Variants in KDM5B observed in about 807,000 individuals in gnomAD.
KDM5B encodes the protein lysine demethylase 5B, also known as lysine-specific demethylase 5B.
Under a neutral mutation model 193.4 loss-of-function variants are expected in KDM5B, and 144 were observed. The ratio of observed to expected loss-of-function variants is 0.74; its 90% CI spans 0.65 to 0.86. KDM5B has a LOEUF of 0.86. KDM5B is among the 40% of genes least tolerant of loss of function. KDM5B has a pLI of 0.00. For synonymous variants in KDM5B, 668 were observed against 682.6 expected (o/e 0.98, Z 0.33); for missense variants, 1,833 against 1,886.9 (o/e 0.97, Z 0.53).
Position 202,740,594 on chromosome 1 carries a change from C to G in KDM5B, c.3084+80G>C, listed in dbSNP as rs547014465. 52 of 1,368,720 alleles carry G rather than the reference C, an allele frequency of 3.8e-5. 1 individual carries two copies. In the East Asian group the frequency reaches 8.3e-4, roughly 22 times the overall value. 84.8% of individuals were successfully genotyped at this position (1,368,720 alleles called of 1,614,324 possible). On this transcript the variant is annotated intron_variant, in intron 20 of 26. Transcript: ENST00000367265. Reference sequence around the variant, plus strand: ...TGGCCGGGTCGGGGGCTGACCCCCCCACCTCCCTCCCGGACGGGGCGCCAA... The same window carrying G: ...TGGCCGGGTCGGGGGCTGACCCCCCGACCTCCCTCCCGGACGGGGCGCCAA...
chr1:202,733,808 G>A lies in KDM5B; in HGVS notation c.3502C>T (p.Leu1168=). 1 of 1,614,166 alleles carries A rather than the reference G, an allele frequency of 6.2e-7. No individual in the cohort carries two copies. The change falls in exon 23 of 27, where the codon CTG becomes TTG. Residue 1168 remains leucine (L), a synonymous_variant. Coordinates refer to ENST00000367265, the MANE Select transcript of KDM5B (RefSeq NM_006618.5). ...SLRLANEGKL[L]SPLQDVDIKI... ...ATATCCACATCTTGGAGAGGCGACAGCAATTTCCCTTCATTGGCGAGTCTG... is the reference window on the plus strand; with the variant it reads ...ATATCCACATCTTGGAGAGGCGACAACAATTTCCCTTCATTGGCGAGTCTG...
At chr1:202,742,561 C>T in intron 17 of KDM5B, 56 bp from the exon 18 acceptor site, 2 of 1,589,028 alleles carry the variant, frequency 1.3e-6, no homozygotes, top group Non-Finnish European at 1.7e-6. Flanking sequence ...GTCCACCACA[C>T]CCAGGTGGTC....
At position 202,726,069 on chromosome 1, in the gene KDM5B, A is replaced by G. The variant is rs190467340; in HGVS notation, c.*2967T>C. 1 of 151,670 alleles carries G rather than the reference A, an allele frequency of 6.6e-6. No individual in the cohort carries two copies. The highest frequency in any genetic ancestry group is 2.4e-5 in the African/African-American group (1 of 41,242). The allele number at this position is 151,670 out of a possible 1,614,324, so 9.4% of individuals were successfully genotyped here. ...AGCCATGTTTCACCCTCTTCCAGGT[A>G]GAGATCTACTCTATTCTTAGGCTAA... On this transcript the variant is annotated 3_prime_UTR_variant, in exon 27 of 27. Transcript: ENST00000367265.
Position 202,774,700 on chromosome 1 carries a change from C to G in KDM5B, c.318G>C (p.Gln106His). ...CCTGTAACTCCCAGTACTTTGCAAT[C>G]TGGTCCAAGAAATTCAATTTTACAC... ...QTRVKLNFLDQIAKYWELQGS... is the reference protein window; with the variant it reads ...QTRVKLNFLDHIAKYWELQGS... The change falls in exon 3 of 27, where the codon CAG becomes CAC. Residue 106 changes from glutamine to histidine, a missense_variant. Physicochemically the swap from Gln to His is conservative, Grantham distance 24. Around this residue, in one of 3 missense-constraint regions of KDM5B, gnomAD observed 355 missense variants for 374.9 expected, o/e 0.95. Transcript: ENST00000367265. 1.2e-6 allele frequency: 2 copies of G among 1,613,228 alleles called. No individual in the cohort carries two copies. The highest frequency in any genetic ancestry group is 1.7e-6 in the Non-Finnish European group (2 of 1,179,302).
chr1:202,783,849 C>T (rs1468257522), intron 1 of KDM5B, among the ~76,000 whole-genome samples: 1 of 152,038 alleles, frequency 6.6e-6, no homozygotes, highest in Non-Finnish European at 1.5e-5. Context: ...CCACTGCACT[C>T]CAGACTGGGG....
Position 202,725,425 on chromosome 1 carries a change from C to T in KDM5B, c.*3611G>A, listed in dbSNP as rs767813397. The T allele has an allele frequency of 6.6e-5, 10 of 152,166 alleles. No homozygotes were observed. Among genetic ancestry groups the T allele is most frequent in the Non-Finnish European group, 4.4e-5 (3 of 68,040 alleles). The allele number at this position is 152,166 out of a possible 1,614,324, so 9.4% of individuals were successfully genotyped here. A position where few individuals can be genotyped will look rare whatever the true frequency, so the allele number is the denominator to read the frequency against. ...AGTAACATTTCTATAATAAGTTACA[C>T]ATGAAGCCTCCCAAAAGAAAGCTGA... On this transcript the variant is annotated 3_prime_UTR_variant, in exon 27 of 27. Coordinates refer to ENST00000367265, the MANE Select transcript of KDM5B (RefSeq NM_006618.5).
At chr1:202,741,769 A>T (rs1558485534) in intron 18 of KDM5B, 47 bp from the exon 19 acceptor site, 3 of 1,089,940 alleles carry the variant, frequency 2.8e-6, no homozygotes, top group Non-Finnish European at 4.0e-6. Flanking sequence ...TAATTTCAGT[A>T]ATTGGCTTCT....
intron 1 of KDM5B, among the ~76,000 whole-genome samples, chr1:202,807,866 C>T (rs887028149): frequency 6.6e-6 from 1 of 151,974 alleles, no homozygotes; most frequent in Non-Finnish European, 1.5e-5. Context: ...GGCGACCCGG[C>T]CCTCCCATGG....
chr1:202,785,925 A>G (rs1657393437), intron 1 of KDM5B, among the ~76,000 whole-genome samples: 1 of 150,904 alleles, frequency 6.6e-6, no homozygotes, highest in African/African-American at 2.4e-5. Flanking sequence ...AAAAAAAAAA[A>G]AGTGCCGGTT....
rs1178512619 is a variant in KDM5B, at chr1:202,733,386, A to C, written c.3909+15T>G. ...TGCAAATTCCAATAACCCAACAAGG[A>C]AAGTCCAGATTCACCTTGTTTGTGT... On this transcript the variant is annotated intron_variant, in intron 23 of 26. Transcript: ENST00000367265. 7 of 1,605,698 alleles carry C rather than the reference A, an allele frequency of 4.4e-6. No individual in the cohort carries two copies. The highest frequency in any genetic ancestry group is 3.4e-5 in the Admixed American group (2 of 59,494).
intron 26 of KDM5B, 30 bp from the exon 27 acceptor site, chr1:202,729,203 T>C: frequency 6.2e-7 from 1 of 1,613,138 alleles, no homozygotes; most frequent in Non-Finnish European, 8.5e-7. Context: ...AGATGGGGTT[T>C]TCAGAGGAAA....
At chr1:202,803,561 C>G (rs191587483) in intron 1 of KDM5B, among the ~76,000 whole-genome samples, 1 of 151,292 alleles carries the variant, frequency 6.6e-6, no homozygotes, top group Middle Eastern at 3.2e-3. Context: ...CGGTGGCTCA[C>G]GTCTGTAATC....
At position 202,741,622 on chromosome 1, in the gene KDM5B, C is replaced by A; in HGVS notation, c.2690G>T (p.Ser897Ile). The A allele has an allele frequency of 6.2e-7, 1 of 1,614,210 alleles. No homozygotes were observed. The highest frequency in any genetic ancestry group is 2.2e-5 in the East Asian group (1 of 44,892). ...AAELQDLLDV[S>I]FEFDVELPQL... Reference sequence around the variant, plus strand: ...TGGAAGTTCAACATCAAATTCAAAGCTGACATCTAGCAAGTCCTGCAGCTC... The same window carrying A: ...TGGAAGTTCAACATCAAATTCAAAGATGACATCTAGCAAGTCCTGCAGCTC... The change falls in exon 19 of 27, where the codon AGC becomes ATC. Residue 897 changes from serine (S) to isoleucine (I), a missense_variant. Coordinates refer to ENST00000367265, the MANE Select transcript of KDM5B (RefSeq NM_006618.5).
intron 11 of KDM5B, 30 bp downstream of exon 11, chr1:202,755,241 T>C: frequency 6.3e-7 from 1 of 1,585,402 alleles, no homozygotes; most frequent in East Asian, 2.2e-5. Context: ...GCATGCATAC[T>C]ACTCATGGGT....
Position 202,729,696 on chromosome 1 carries a change from A to AC in KDM5B, c.4497+10dup. On this transcript the variant is annotated intron_variant, in intron 26 of 26. Coordinates refer to ENST00000367265, the MANE Select transcript of KDM5B (RefSeq NM_006618.5). ...GGAAAGCACGTCCTCTATGGCCCAA[A>AC]CCTCACTGACCTCATCTCCTTCTGG... The AC allele has an allele frequency of 6.2e-7, 1 of 1,608,376 alleles. No homozygotes were observed. Among genetic ancestry groups the AC allele is most frequent in the Non-Finnish European group, 8.5e-7 (1 of 1,176,822 alleles).
At chr1:202,762,090 T>C (rs1656271793) in intron 7 of KDM5B, among the ~76,000 whole-genome samples, 1 of 152,212 alleles carries the variant, frequency 6.6e-6, no homozygotes, top group Non-Finnish European at 1.5e-5. Flanking sequence ...TCCTTTCTAA[T>C]GCCATCAGGC....
At chr1:202,767,210 T>C (rs1656505127) in intron 4 of KDM5B, 150 bp from the exon 5 acceptor site, 5 of 1,562,754 alleles carry the variant, frequency 3.2e-6, no homozygotes, top group South Asian at 1.1e-5. Flanking sequence ...ATCTGTTAAA[T>C]GGAGGAACTG....
chr1:202,745,383 A>T (rs980267104), intron 16 of KDM5B, among the ~76,000 whole-genome samples: 2 of 152,174 alleles, frequency 1.3e-5, no homozygotes, highest in Non-Finnish European at 2.9e-5. Flanking sequence ...GAGAGATATA[A>T]AGGGTAGCAG....
intron 7 of KDM5B, among the ~76,000 whole-genome samples, chr1:202,762,372 G>A (rs1656287051): frequency 6.6e-6 from 1 of 152,172 alleles, no homozygotes; most frequent in African/African-American, 2.4e-5. Context: ...ATGTAGAAGT[G>A]AGCTAGTGAT....
Sources: allele counts gnomAD v4.1 joint callset (sites outside exome capture counted in the v4.1 genomes callset), GRCh38; gene constraint gnomAD v4.1.1; regional missense constraint gnomAD v4.1.1; transcripts MANE v1.5; gene names NCBI Gene and HGNC (gene_info 2026-07-23, HGNC 2026-07-21).